Variants in RBFOX1 observed in about 807,000 individuals in gnomAD.
RBFOX1 encodes the protein RNA binding protein fox-1 homolog 1.
Under a neutral mutation model 57.7 loss-of-function variants are expected in RBFOX1, and 8 were observed. The observed-to-expected ratio is 0.14, with a 90% confidence interval of 0.08 to 0.25. RBFOX1 has a LOEUF of 0.25. Among genes scored for constraint, RBFOX1 ranks in the 10% least tolerant of loss-of-function variants. RBFOX1 has a pLI of 1.00. For synonymous variants in RBFOX1, 326 were observed against 222.4 expected (o/e 1.47, Z -4.15); for missense variants, 611 against 548.5 (o/e 1.11, Z -1.14).
intron 3 of RBFOX1, among the ~76,000 whole-genome samples, chr16:6,857,235 C>A (rs2058074545): frequency 6.6e-6 from 1 of 152,140 alleles, no homozygotes; most frequent in Admixed American, 6.5e-5. Flanking sequence ...TCATATTACA[C>A]AATATTGATA....
At chr16:7,584,991 A>T (rs908998095) in intron 6 of RBFOX1, among the ~76,000 whole-genome samples, 3 of 152,198 alleles carry the variant, frequency 2.0e-5, no homozygotes, top group African/African-American at 7.2e-5. Flanking sequence ...TCTCAATCAG[A>T]TCTTATTTTA....
At chr16:7,655,871 C>G (rs746577818) in intron 12 of RBFOX1, among the ~76,000 whole-genome samples, 18 of 152,120 alleles carry the variant, frequency 1.2e-4, no homozygotes, top group Non-Finnish European at 2.2e-4. Context: ...AATGACACAC[C>G]TGCTGTAAAA....
At chr16:7,263,067 G>A (rs796271285) in intron 4 of RBFOX1, among the ~76,000 whole-genome samples, 11 of 152,318 alleles carry the variant, frequency 7.2e-5, no homozygotes, top group African/African-American at 2.6e-4. Context: ...GTCTCTTAGA[G>A]TCTGTCCACA....
intron 3 of RBFOX1, among the ~76,000 whole-genome samples, chr16:5,856,604 T>TATATATATATA (rs776623035): frequency 2.9e-5 from 2 of 68,108 alleles, no homozygotes; most frequent in African/African-American, 4.8e-5. Context: ...TATATATATA[T>TATATATATATA]AATCTTAGCC....
At chr16:6,436,883 G>A (rs750927843) in intron 2 of RBFOX1, among the ~76,000 whole-genome samples, 10 of 152,110 alleles carry the variant, frequency 6.6e-5, no homozygotes, top group Non-Finnish European at 1.3e-4. Flanking sequence ...TGACATTTAA[G>A]CAAACTGATA....
At chr16:5,807,326 AG>A (rs1353278053) in intron 3 of RBFOX1, among the ~76,000 whole-genome samples, 3 of 152,054 alleles carry the variant, frequency 2.0e-5, no homozygotes, top group African/African-American at 7.2e-5. Flanking sequence ...CACCTCTCTT[AG>A]TATTTCCTTC....
intron 2 of RBFOX1, among the ~76,000 whole-genome samples, chr16:5,590,343 C>G (rs1225409347): frequency 2.0e-5 from 3 of 152,114 alleles, no homozygotes; most frequent in Non-Finnish European, 4.4e-5. Flanking sequence ...TAAATTTTAT[C>G]TCTCATTTGA....
chr16:7,062,915 T>A (rs867129217), intron 4 of RBFOX1, among the ~76,000 whole-genome samples: 2,252 of 139,338 alleles, frequency 0.016, 112 homozygotes, highest in African/African-American at 0.06. Context: ...TTTTTTTTTT[T>A]TTTTTTTTTT....
intron 4 of RBFOX1, among the ~76,000 whole-genome samples, chr16:7,469,255 G>C (rs2061105470): frequency 6.6e-6 from 1 of 151,878 alleles, no homozygotes; most frequent in African/African-American, 2.4e-5. Flanking sequence ...GTAGAGACAG[G>C]GTTTCACCAT....
chr16:7,136,862 C>G (rs368310922), intron 4 of RBFOX1, among the ~76,000 whole-genome samples: 1 of 152,178 alleles, frequency 6.6e-6, no homozygotes, highest in Admixed American at 6.5e-5. Context: ...GGGTTTATTT[C>G]TCTCATACAC....
intron 4 of RBFOX1, among the ~76,000 whole-genome samples, chr16:7,056,443 T>A (rs1160950748): frequency 2.0e-5 from 3 of 152,194 alleles, no homozygotes; most frequent in Non-Finnish European, 4.4e-5. Context: ...CTCCTGATCC[T>A]ATAGGCTGTA....
intron 14 of RBFOX1, among the ~76,000 whole-genome samples, chr16:7,697,322 C>T (rs900317285): frequency 6.6e-6 from 1 of 152,092 alleles, no homozygotes; most frequent in African/African-American, 2.4e-5. Flanking sequence ...TGTTAAATGT[C>T]CACTCCCCAC....
intron 1 of RBFOX1, among the ~76,000 whole-genome samples, chr16:6,303,503 G>A (rs776104986): frequency 1.3e-5 from 2 of 152,206 alleles, no homozygotes; most frequent in Admixed American, 6.5e-5. Flanking sequence ...TGTAAATAAA[G>A]CAGTAGTCTG....
chr16:6,440,584 G>A (rs1046324680), intron 2 of RBFOX1, among the ~76,000 whole-genome samples: 4 of 152,022 alleles, frequency 2.6e-5, no homozygotes, highest in Non-Finnish European at 2.9e-5. Context: ...GGCGGATCAC[G>A]AGGTCAAAGA....
chr16:6,507,866 C>T (rs1300879480), intron 2 of RBFOX1, among the ~76,000 whole-genome samples: 4 of 151,982 alleles, frequency 2.6e-5, no homozygotes, highest in Admixed American at 2.6e-4. Context: ...GTAGAGATTT[C>T]AGATTTGCAA....
chr16:6,726,993 C>A (rs985471971), intron 3 of RBFOX1, among the ~76,000 whole-genome samples: 1 of 146,052 alleles, frequency 6.8e-6, no homozygotes, highest in African/African-American at 2.5e-5. Context: ...CAGTGCAGAC[C>A]CAGAGAAATA....
chr16:6,619,200 C>T (rs2098189339), intron 2 of RBFOX1, among the ~76,000 whole-genome samples: 1 of 152,076 alleles, frequency 6.6e-6, no homozygotes, highest in African/African-American at 2.4e-5. Flanking sequence ...ATGTCTCATG[C>T]CTCTGTCCCC....
chr16:7,355,518 G>C (rs1025544389), intron 4 of RBFOX1, among the ~76,000 whole-genome samples: 1 of 151,984 alleles, frequency 6.6e-6, no homozygotes, highest in African/African-American at 2.4e-5. Context: ...TGTGTACAAG[G>C]ACACCATGCA....
chr16:6,349,967 T>C (rs2086011387), intron 2 of RBFOX1, among the ~76,000 whole-genome samples: 1 of 152,140 alleles, frequency 6.6e-6, no homozygotes, highest in Non-Finnish European at 1.5e-5. Context: ...ATGGTGAATG[T>C]GCGTGTCTCT....
Sources: gnomAD v4.1 joint callset for allele counts (sites outside exome capture counted in the v4.1 genomes callset) on GRCh38, gnomAD v4.1.1 for gene constraint, MANE v1.5 for transcripts, NCBI Gene and HGNC (gene_info 2026-07-23, HGNC 2026-07-21) for gene names.